The following ZFHX4 variants were observed in gnomAD, a reference collection of about 807,000 sequenced individuals.
ZFHX4 encodes zinc finger homeobox protein 4.
ZFHX4 carries 56 observed loss-of-function variants against 267.6 expected under a neutral mutation model. The ratio of observed to expected loss-of-function variants is 0.21; its 90% confidence interval spans 0.17 to 0.26. The LOEUF is 0.26. ZFHX4 is among the 10% of genes least tolerant of loss of function. The pLI is 1.00. For synonymous variants in ZFHX4, 1,778 were observed against 1,665.6 expected (o/e 1.07, Z -1.64); for missense variants, 4,332 against 4,420.0 (o/e 0.98, Z 0.56).
rs750568342 is a variant in ZFHX4 at position 76,704,483 on chromosome 8, T to C, written c.395T>C (p.Val132Ala). Reference sequence around the variant, plus strand: ...GTGGAAAATCTAACAGGGGAGATCGTTTACCAGCCTGATGGGTCAGCATAT... The same window carrying C: ...GTGGAAAATCTAACAGGGGAGATCGCTTACCAGCCTGATGGGTCAGCATAT... ...SDVENLTGEI[V>A]YQPDGSAYII... Residue 132 changes from valine to alanine, a missense_variant, in exon 2 of 11, where the codon GTT becomes GCT. By Grantham distance (64) the Val-to-Ala change is moderately conservative (BLOSUM62 0). Around this residue, in one of 7 missense-constraint regions of ZFHX4, gnomAD observed 1,195 missense variants for 1,173.6 expected, o/e 1.02. Coordinates refer to ENST00000651372, the MANE Select transcript of ZFHX4 (RefSeq NM_024721.5). The C allele has an allele frequency of 8.1e-6, 13 of 1,613,854 alleles. No homozygotes were observed. Among genetic ancestry groups the C allele is most frequent in the Non-Finnish European group, 1.1e-5 (13 of 1,179,872 alleles).
rs867808216 is a variant in ZFHX4, at chr8:76,864,547, G to A, written c.10833G>A (p.Met3611Ile). The change falls in exon 11 of 11, where the codon ATG (methionine) becomes ATA (isoleucine). Residue 3611 changes from methionine to isoleucine, a missense_variant. Physicochemically the swap from Met to Ile is conservative, Grantham distance 10 (BLOSUM62 1). Coordinates refer to ENST00000651372, the MANE Select transcript of ZFHX4 (RefSeq NM_024721.5). ...GLDGNFNSIR[M>I]DMFSV is the part of the protein sequence containing the mutation. ...ATGGTAATTTCAATAGCATCCGAAT[G>A]GATATGTTCAGTGTGTAGGAGTGAA... 1 of 1,606,922 alleles carries A rather than the reference G, an allele frequency of 6.2e-7. No individual in the cohort carries two copies. The highest frequency in any genetic ancestry group is 8.5e-7 in the Non-Finnish European group (1 of 1,176,788).
At chr8:76,708,153 A>C in intron 3 of ZFHX4, 105 bp downstream of exon 3, 3 of 1,415,284 alleles carry the variant, frequency 2.1e-6, no homozygotes, top group Non-Finnish European at 2.9e-6. Context: ...AAAGAGAAAA[A>C]ACATCAAAGG....
chr8:76,699,702 C>A lies in ZFHX4; in HGVS notation c.-46-4341C>A, dbSNP rs189930179. ...AGTGAGGTAGCGATAGTGGTGTGAA[C>A]TAATACAGCCTTGTACACAAAAGAT... On this transcript the variant is annotated intron_variant, in intron 1 of 10. Coordinates refer to ENST00000651372, the MANE Select transcript of ZFHX4 (RefSeq NM_024721.5). Among the ~76,000 whole-genome samples the A allele has an allele frequency of 6.9e-5, 10 of 144,076 alleles. No individual in the cohort carries two copies. In the East Asian group the frequency reaches 2.1e-3, roughly 30 times the overall value. 94.5% of individuals were successfully genotyped at this position (144,076 alleles called of 152,430 possible). A position where few individuals can be genotyped will look rare whatever the true frequency, so the allele number is the denominator to read the frequency against.
chr8:76,780,371 T>C (rs186700121), intron 4 of ZFHX4, among the ~76,000 whole-genome samples: 2 of 152,314 alleles, frequency 1.3e-5, no homozygotes, highest in East Asian at 3.9e-4. Context: ...TACCCAGTGG[T>C]TGTAGAAAAC....
intron 1 of ZFHX4, chr8:76,683,838 T>C (rs1402947194): frequency 2.0e-5 from 3 of 151,762 alleles, no homozygotes; most frequent in African/African-American, 7.3e-5. Context: ...AGGCTGCGGC[T>C]GCCGCTGCCT....
intron 10 of ZFHX4, among the ~76,000 whole-genome samples, chr8:76,861,522 A>AAG (rs1398261720): frequency 1.3e-5 from 2 of 152,110 alleles, no homozygotes; most frequent in African/African-American, 4.8e-5. Flanking sequence ...TAGGTCAGAG[A>AAG]AGAGTTGAGT....
At chr8:76,708,136 G>GAA in intron 3 of ZFHX4, 88 bp downstream of exon 3, 2 of 1,492,620 alleles carry the variant, frequency 1.3e-6, no homozygotes, top group Non-Finnish European at 1.8e-6. Flanking sequence ...CCAACTTAAG[G>GAA]AAAAAAAAAG....
chr8:76,736,336 T>G (rs1282023915), intron 3 of ZFHX4, among the ~76,000 whole-genome samples: 1 of 152,086 alleles, frequency 6.6e-6, no homozygotes. Context: ...GTAAATTGAA[T>G]TTTTATTAAT....
intron 3 of ZFHX4, among the ~76,000 whole-genome samples, chr8:76,768,056 T>C (rs772018153): frequency 6.6e-6 from 1 of 152,180 alleles, no homozygotes; most frequent in Non-Finnish European, 1.5e-5. Context: ...AGGTGACATT[T>C]GGATTGGGCT....
intron 4 of ZFHX4, among the ~76,000 whole-genome samples, chr8:76,787,913 G>C (rs1023196732): frequency 2.0e-5 from 3 of 151,976 alleles, no homozygotes; most frequent in African/African-American, 4.8e-5. Context: ...GATGATAGCC[G>C]ACCTTTACTG....
In ZFHX4 at chr8:76,855,293, C is replaced by G; in HGVS notation, c.8372C>G (p.Ala2791Gly). ...AATTTAAATGCCCCTCCTGCTGAGG[C>G]TGGGTATGATCAAAATAAAACCGAT... ...VENLNAPPAE[A>G]GYDQNKTDFD... Residue 2791 changes from alanine to glycine, a missense_variant, in exon 10 of 11, where the codon GCT (alanine) becomes GGT (glycine). By Grantham distance (60) the Ala-to-Gly change is moderately conservative (BLOSUM62 0). Coordinates refer to ENST00000651372, the MANE Select transcript of ZFHX4 (RefSeq NM_024721.5). The G allele has an allele frequency of 4.3e-6, 7 of 1,613,584 alleles. No homozygotes were observed. Among genetic ancestry groups the G allele is most frequent in the Non-Finnish European group, 5.9e-6 (7 of 1,179,804 alleles).
At chr8:76,839,699 A>G (rs1812185334) in intron 5 of ZFHX4, among the ~76,000 whole-genome samples, 1 of 152,174 alleles carries the variant, frequency 6.6e-6, no homozygotes, top group Admixed American at 6.5e-5. Context: ...CCGCTTTGGC[A>G]TCTTTATTTT....
intron 7 of ZFHX4, 78 bp downstream of exon 7, chr8:76,849,206 T>G: frequency 1.4e-6 from 2 of 1,440,300 alleles, no homozygotes; most frequent in Non-Finnish European, 1.9e-6. Flanking sequence ...CCCAAATGAT[T>G]CCATGCTGTT....
chr8:76,843,283 A>T (rs577237345), intron 6 of ZFHX4, among the ~76,000 whole-genome samples: 4 of 152,258 alleles, frequency 2.6e-5, no homozygotes, highest in African/African-American at 9.6e-5. Flanking sequence ...TAGGGCATCT[A>T]TTTGAGGTAT....
chr8:76,791,647 T>C (rs751851120), intron 4 of ZFHX4, among the ~76,000 whole-genome samples: 6 of 152,124 alleles, frequency 3.9e-5, no homozygotes, highest in East Asian at 1.9e-4. Context: ...CGCTCTACTA[T>C]ATGAGTATGG....
chr8:76,779,427 A>G (rs776340320), intron 4 of ZFHX4, among the ~76,000 whole-genome samples: 16 of 152,152 alleles, frequency 1.1e-4, no homozygotes, highest in Non-Finnish European at 1.5e-4. Flanking sequence ...AGAAGCGTCA[A>G]GGTCGCCTTT....
intron 4 of ZFHX4, among the ~76,000 whole-genome samples, chr8:76,778,653 C>T (rs552858457): frequency 8.5e-5 from 13 of 152,228 alleles, no homozygotes; most frequent in African/African-American, 2.9e-4. Flanking sequence ...GTCCTGCATG[C>T]GGTGACATCT....
chr8:76,837,301 G>A (rs1392450349), intron 5 of ZFHX4, among the ~76,000 whole-genome samples: 1 of 152,014 alleles, frequency 6.6e-6, no homozygotes, highest in East Asian at 1.9e-4. Context: ...CCAAAGAGAG[G>A]CACGATTTTC....
intron 3 of ZFHX4, among the ~76,000 whole-genome samples, chr8:76,766,538 T>C (rs187776562): frequency 1.2e-4 from 18 of 152,232 alleles, no homozygotes; most frequent in Non-Finnish European, 1.8e-4. Context: ...CACTATTATT[T>C]TTGTGGCCTT....
Sources: gnomAD v4.1 joint callset for allele counts (sites outside exome capture counted in the v4.1 genomes callset) on GRCh38, gnomAD v4.1.1 for gene constraint, gnomAD v4.1.1 regional missense constraint, MANE v1.5 for transcripts, NCBI Gene and HGNC (gene_info 2026-07-23, HGNC 2026-07-21) for gene names.